EBF1: variants seen among roughly 807,000 people sequenced by gnomAD.
The protein encoded by EBF1 is transcription factor COE1.
A neutral mutation model predicts 68.4 loss-of-function variants in EBF1; 10 were observed. That is an observed-to-expected ratio of 0.15 (90% CI 0.09 to 0.25). The LOEUF is 0.25. Ranked by LOEUF, EBF1 falls within the 10% of genes least tolerant of loss-of-function variation. EBF1 has a pLI of 1.00. For synonymous variants in EBF1, 298 were observed against 299.8 expected, an observed-to-expected ratio of 0.99 and a Z score of 0.06; for missense variants, 509 against 794.4, an observed-to-expected ratio of 0.64 and a Z score of 4.32.
rs115980573 is a variant in EBF1 at position 158,847,782 on chromosome 5, T to G, written c.555-7672A>C. ...GAACTGGGGACAGACTGAGGACACA[T>G]TTGTTTTAAACTGTTTCCATTACAA... On this transcript the variant is annotated intron_variant, in intron 6 of 15. Coordinates refer to ENST00000313708, the MANE Select transcript of EBF1 (RefSeq NM_024007.5). Among the ~76,000 whole-genome samples the G allele has an allele frequency of 5.3e-3, 812 of 152,324 alleles. 3 individuals carry two copies. Among genetic ancestry groups the G allele is most frequent in the Middle Eastern group, 0.024 (7 of 294 alleles).
chr5:158,912,690 G>C (rs977976542), intron 6 of EBF1, among the ~76,000 whole-genome samples: 1 of 152,152 alleles, frequency 6.6e-6, no homozygotes, highest in South Asian at 2.1e-4. Context: ...GCAAATGTTA[G>C]CTCCACTTTG....
chr5:158,962,129 T>C (rs911337565), intron 6 of EBF1, among the ~76,000 whole-genome samples: 5 of 152,186 alleles, frequency 3.3e-5, no homozygotes, highest in Non-Finnish European at 4.4e-5. Context: ...ATAAAGCCGG[T>C]GGCAGCTTGA....
At chr5:158,934,082 A>T (rs1335487744) in intron 6 of EBF1, among the ~76,000 whole-genome samples, 1 of 152,174 alleles carries the variant, frequency 6.6e-6, no homozygotes, top group African/African-American at 2.4e-5. Flanking sequence ...AGATTTCACC[A>T]TGCCCATTAC....
In EBF1 at chr5:158,947,882, C is replaced by T. The variant is rs73816845; in HGVS notation, c.555-107772G>A. On this transcript the variant is annotated intron_variant, in intron 6 of 15. Transcript: ENST00000313708. ...TGGAGCCCCCTTTTAAAAGTTCCCT[C>T]CCTAAATCGCTGAAGCATCCTTACT... 6.0e-3 allele frequency among the ~76,000 whole-genome samples: 920 copies of T among 152,284 alleles called. 11 individuals carry two copies. The highest frequency in any genetic ancestry group is 0.021 in the African/African-American group (866 of 41,568).
At chr5:158,811,870 C>A (rs1782736481) in intron 8 of EBF1, among the ~76,000 whole-genome samples, 1 of 152,144 alleles carries the variant, frequency 6.6e-6, no homozygotes, top group Non-Finnish European at 1.5e-5. Flanking sequence ...AATGTTTTAT[C>A]CCCACGTGGA....
intron 10 of EBF1, among the ~76,000 whole-genome samples, chr5:158,770,953 A>G (rs191974090): frequency 3.5e-4 from 54 of 152,310 alleles, no homozygotes; most frequent in Non-Finnish European, 7.1e-4. Context: ...GGTTTTGCTT[A>G]ACACTGTTTC....
At chr5:158,931,304 C>T (rs1810841366) in intron 6 of EBF1, among the ~76,000 whole-genome samples, 1 of 152,138 alleles carries the variant, frequency 6.6e-6, no homozygotes, top group African/African-American at 2.4e-5. Context: ...TACTGACTAC[C>T]CAGCCACAGA....
At chr5:158,783,205 C>T (rs895364693) in intron 9 of EBF1, among the ~76,000 whole-genome samples, 2 of 152,016 alleles carry the variant, frequency 1.3e-5, no homozygotes, top group African/African-American at 4.8e-5. Flanking sequence ...TGCACTGGAT[C>T]ATGTAAATAA....
rs546634925 is a variant in EBF1, at chr5:158,779,590, G to A, written c.910-2051C>T. 5.9e-5 allele frequency among the ~76,000 whole-genome samples: 9 copies of A among 152,172 alleles called. No individual in the cohort carries two copies. In the East Asian group the frequency reaches 1.7e-3, roughly 29 times the overall value. On this transcript the variant is annotated intron_variant, in intron 9 of 15. Transcript: ENST00000313708. ...ATGCTTCTAATTTTAACACGTACTT[G>A]GGATATAGAGTACCATTAACTCACA...
chr5:159,072,177 A>C (rs1182613050), intron 6 of EBF1, among the ~76,000 whole-genome samples: 1 of 152,210 alleles, frequency 6.6e-6, no homozygotes, highest in African/African-American at 2.4e-5. Flanking sequence ...AAAAATATAT[A>C]TATTTTAGTG....
chr5:158,708,381 A>G (rs1021478999), intron 14 of EBF1, among the ~76,000 whole-genome samples: 9 of 152,084 alleles, frequency 5.9e-5, no homozygotes, highest in African/African-American at 1.9e-4. Flanking sequence ...GAGATCTTTT[A>G]TGTGTTTATT....
chr5:159,075,591 C>A (rs1055780435), intron 5 of EBF1, among the ~76,000 whole-genome samples: 4 of 152,144 alleles, frequency 2.6e-5, no homozygotes, highest in African/African-American at 9.7e-5. Context: ...CCCCACTACA[C>A]CATCTCCATC....
chr5:158,936,116 A>G (rs1437730869), intron 6 of EBF1, among the ~76,000 whole-genome samples: 1 of 152,222 alleles, frequency 6.6e-6, no homozygotes, highest in African/African-American at 2.4e-5. Flanking sequence ...GGTGTCTGAC[A>G]ACACAAAATG....
chr5:158,932,375 G>A (rs1811064884), intron 6 of EBF1, among the ~76,000 whole-genome samples: 1 of 152,098 alleles, frequency 6.6e-6, no homozygotes, highest in African/African-American at 2.4e-5. Context: ...GGCTAAAGAT[G>A]TAACATCAGG....
intron 4 of EBF1, 50 bp downstream of exon 4, chr5:159,095,570 C>A: frequency 6.2e-7 from 1 of 1,608,034 alleles, no homozygotes; most frequent in Non-Finnish European, 8.5e-7. Context: ...CTTGACTGCC[C>A]TGAATTTTGT....
intron 6 of EBF1, among the ~76,000 whole-genome samples, chr5:158,969,922 A>AGAAAGAAAG (rs34413450): frequency 8.0e-6 from 1 of 125,102 alleles, no homozygotes; most frequent in African/African-American, 2.8e-5. Context: ...GAAAGAAAAA[A>AGAAAGAAAG]AAAAAAAAGG....
intron 5 of EBF1, among the ~76,000 whole-genome samples, chr5:159,083,328 G>T (rs966390688): frequency 1.5e-4 from 23 of 152,248 alleles, no homozygotes; most frequent in African/African-American, 5.1e-4. Flanking sequence ...GAATTGTTAT[G>T]TACAATATAA....
chr5:158,953,571 T>G (rs1260393537), intron 6 of EBF1, among the ~76,000 whole-genome samples: 1 of 152,194 alleles, frequency 6.6e-6, no homozygotes, highest in Non-Finnish European at 1.5e-5. Context: ...ACTTTCTTTT[T>G]GAGAAAGGAG....
intron 11 of EBF1, among the ~76,000 whole-genome samples, chr5:158,730,029 G>C (rs1057088739): frequency 3.3e-5 from 5 of 152,180 alleles, no homozygotes; most frequent in Non-Finnish European, 7.3e-5. Context: ...AAGCTAAGAA[G>C]GATGGCAACT....
Sources: allele counts gnomAD v4.1 joint callset (sites outside exome capture counted in the v4.1 genomes callset), GRCh38; gene constraint gnomAD v4.1.1; transcripts MANE v1.5; gene names NCBI Gene and HGNC (gene_info 2026-07-23, HGNC 2026-07-21).